Variants in CBFA2T2 observed in about 807,000 individuals in gnomAD.
CBFA2T2 encodes the protein CBFA2/RUNX1 partner transcriptional co-repressor 2, also known as protein CBFA2T2.
In CBFA2T2, 11 loss-of-function variants were observed where a neutral mutation model predicts 62.2. That is an observed-to-expected ratio of 0.18 (90% CI 0.11 to 0.29). The LOEUF is 0.29. Ranked by LOEUF, CBFA2T2 falls within the 10% of genes least tolerant of loss-of-function variation. CBFA2T2 has a pLI of 1.00. For missense variants in CBFA2T2, 592 were observed against 774.1 expected (o/e 0.76, Z 2.79); for synonymous variants, 295 against 287.5 (o/e 1.03, Z -0.27).
At chr20:33,557,172 G>T (rs1017202452) in intron 1 of CBFA2T2, among the ~76,000 whole-genome samples, 2 of 151,736 alleles carry the variant, frequency 1.3e-5, no homozygotes, top group Admixed American at 6.6e-5. Context: ...CTACCACCAC[G>T]CCTGGCTAAT....
At chr20:33,518,105 T>C (rs2011636328) in intron 1 of CBFA2T2, among the ~76,000 whole-genome samples, 1 of 152,030 alleles carries the variant, frequency 6.6e-6, no homozygotes, top group Non-Finnish European at 1.5e-5. Flanking sequence ...CGTGCAACCA[T>C]GCCTGGCTAA....
intron 10 of CBFA2T2, among the ~76,000 whole-genome samples, chr20:33,641,448 A>G (rs1275371183): frequency 6.6e-6 from 1 of 152,208 alleles, no homozygotes; most frequent in African/African-American, 2.4e-5. Flanking sequence ...ATCTGTGACA[A>G]CATGAGAACA....
intron 1 of CBFA2T2, among the ~76,000 whole-genome samples, chr20:33,499,635 C>A (rs534004644): frequency 6.6e-6 from 1 of 152,152 alleles, no homozygotes; most frequent in Non-Finnish European, 1.5e-5. Flanking sequence ...TAAGCAGATA[C>A]GTCAGCCGAG....
chr20:33,555,967 G>A (rs1040739336), intron 1 of CBFA2T2, among the ~76,000 whole-genome samples: 1 of 152,204 alleles, frequency 6.6e-6, no homozygotes, highest in Non-Finnish European at 1.5e-5. Flanking sequence ...CTGGACTCAG[G>A]CAATCCCCCA....
intron 8 of CBFA2T2, among the ~76,000 whole-genome samples, chr20:33,635,282 C>T (rs1055758706): frequency 1.6e-4 from 24 of 152,182 alleles, no homozygotes; most frequent in African/African-American, 5.5e-4. Context: ...AAAAAATGCA[C>T]CTCCTGCCTA....
intron 4 of CBFA2T2, among the ~76,000 whole-genome samples, chr20:33,621,095 G>A (rs865825680): frequency 5.9e-5 from 9 of 151,980 alleles, no homozygotes; most frequent in East Asian, 3.9e-4. Context: ...TGATCTTGAC[G>A]TTTTTACAGA....
At chr20:33,536,276 G>T (rs1309226989) in intron 1 of CBFA2T2, among the ~76,000 whole-genome samples, 1 of 140,098 alleles carries the variant, frequency 7.1e-6, no homozygotes, top group Non-Finnish European at 1.6e-5. Context: ...TCTCCCAGAC[G>T]GGGCGGCTGG....
Position 33,640,541 on chromosome 20 carries a change from C to G in CBFA2T2, c.1488+10C>G. The G allele has an allele frequency of 1.2e-6, 2 of 1,613,462 alleles. No homozygotes were observed. The highest frequency in any genetic ancestry group is 2.2e-5 in the East Asian group (1 of 44,860). On this transcript the variant is annotated intron_variant, in intron 10 of 10. Coordinates refer to ENST00000342704, the MANE Select transcript of CBFA2T2 (RefSeq NM_001032999.3). ...AGAGGAGTCCACGGAGGTCAGAGCT[C>G]TGCGCCCTGGGGGCTGGGGTGAGCA...
intron 1 of CBFA2T2, among the ~76,000 whole-genome samples, chr20:33,501,435 A>G (rs8119925): frequency 6.6e-6 from 1 of 152,116 alleles, no homozygotes; most frequent in South Asian, 2.1e-4. Flanking sequence ...CTAGAGCTAC[A>G]CTAACTTTAT....
intron 1 of CBFA2T2, among the ~76,000 whole-genome samples, chr20:33,519,029 A>C (rs574906128): frequency 6.6e-6 from 1 of 152,214 alleles, no homozygotes; most frequent in Admixed American, 6.5e-5. Context: ...TCAGTTTTCA[A>C]ATAATGAAGG....
chr20:33,494,635 T>C lies in CBFA2T2; in HGVS notation c.34+4334T>C, dbSNP rs941762622. On this transcript the variant is annotated intron_variant, in intron 1 of 10. Coordinates refer to ENST00000342704, the MANE Select transcript of CBFA2T2 (RefSeq NM_001032999.3). ...TTTGTTTTGAGATGGAGTTTTGCTCTTGTTGCCCAGGCTGGAGTGCAATGG... is the reference window on the plus strand; with the variant it reads ...TTTGTTTTGAGATGGAGTTTTGCTCCTGTTGCCCAGGCTGGAGTGCAATGG... Among the ~76,000 whole-genome samples the C allele has an allele frequency of 4.9e-5, 7 of 143,404 alleles. No individual in the cohort carries two copies. In the East Asian group the frequency reaches 1.5e-3, roughly 30 times the overall value. The allele number at this position is 143,404 out of a possible 152,430, so 94.1% of individuals were successfully genotyped here. A position where few individuals can be genotyped will look rare whatever the true frequency, so the allele number is the denominator to read the frequency against.
chr20:33,576,023 G>A (rs990131755), intron 1 of CBFA2T2, among the ~76,000 whole-genome samples: 9 of 151,898 alleles, frequency 5.9e-5, no homozygotes, highest in African/African-American at 2.2e-4. Context: ...TCCTGATCTC[G>A]TGATCCGCCC....
At chr20:33,628,272 G>T in intron 6 of CBFA2T2, 78 bp from the exon 7 acceptor site, 5 of 908,200 alleles carry the variant, frequency 5.5e-6, no homozygotes, top group Non-Finnish European at 9.3e-6. Context: ...TTATGAATAT[G>T]TGTGTATTTA....
intron 1 of CBFA2T2, among the ~76,000 whole-genome samples, chr20:33,545,023 A>AACAGAACAGAACAGAAC (rs2012511122): frequency 3.3e-5 from 5 of 151,034 alleles, no homozygotes; most frequent in African/African-American, 1.2e-4. Flanking sequence ...AACAGAACAG[A>AACAGAACAGAACAGAAC]ATGCAAGGTA....
At chr20:33,495,531 G>A (rs1457214836) in intron 1 of CBFA2T2, among the ~76,000 whole-genome samples, 10 of 151,430 alleles carry the variant, frequency 6.6e-5, no homozygotes, top group African/African-American at 2.2e-4. Flanking sequence ...ACCAAAAAAC[G>A]TACAAAAAAA....
At chr20:33,592,374 T>TTATA (rs11473567) in intron 1 of CBFA2T2, among the ~76,000 whole-genome samples, 17,641 of 142,758 alleles carry the variant, frequency 0.12, 1,463 homozygotes, top group East Asian at 0.38. Flanking sequence ...AAAAAAAATT[T>TTATA]TATATATATA....
rs776841297 is a variant in CBFA2T2 at position 33,611,164 on chromosome 20, T to C, written c.249T>C (p.Asn83=). ...GAPSPPQRFS[N]GPASSTSSAL... is the part of the protein sequence containing the mutation. ...CATCACCGCCACAGAGATTCAGCAA[T>C]GGTCCTGCCTCCTCCACATCATCTG... is the stretch of plus-strand genomic sequence containing the variant. The change falls in exon 3 of 11, where the codon AAT becomes AAC. Residue 83 remains asparagine (N), a synonymous_variant. Coordinates refer to ENST00000342704, the MANE Select transcript of CBFA2T2 (RefSeq NM_001032999.3). 3 of 1,614,186 alleles carry C rather than the reference T, an allele frequency of 1.9e-6. No homozygotes were observed. The highest frequency in any genetic ancestry group is 2.5e-6 in the Non-Finnish European group (3 of 1,180,028).
intron 1 of CBFA2T2, chr20:33,562,440 C>T (rs962077702): frequency 1.0e-6 from 1 of 985,874 alleles, no homozygotes. Context: ...TTGGCAGGAC[C>T]TTCCCATCTG....
chr20:33,507,124 A>G (rs1284621490), intron 1 of CBFA2T2, among the ~76,000 whole-genome samples: 1 of 152,234 alleles, frequency 6.6e-6, no homozygotes, highest in East Asian at 1.9e-4. Flanking sequence ...TAATTATACT[A>G]GAAGGTGGAC....
Sources: gnomAD v4.1 joint callset for allele counts (sites outside exome capture counted in the v4.1 genomes callset) on GRCh38, gnomAD v4.1.1 for gene constraint, MANE v1.5 for transcripts, NCBI Gene and HGNC (gene_info 2026-07-23, HGNC 2026-07-21) for gene names.